The following KIAA1328 variants were observed in gnomAD, a reference collection of about 807,000 sequenced individuals.
KIAA1328 encodes the protein protein hinderin.
KIAA1328 carries 52 observed loss-of-function variants against 68.1 expected under a neutral mutation model. The ratio of observed to expected loss-of-function variants is 0.76; its 90% CI spans 0.61 to 0.96. The LOEUF (loss-of-function observed/expected upper bound fraction) is 0.96. KIAA1328 is among the 40% of genes least tolerant of loss of function. The pLI is 0.00. For missense variants in KIAA1328, 641 were observed against 677.6 expected, an observed-to-expected ratio of 0.95 and a Z score of 0.60; for synonymous variants, 232 against 239.4, an observed-to-expected ratio of 0.97 and a Z score of 0.28.
intron 4 of KIAA1328, among the ~76,000 whole-genome samples, chr18:36,873,199 A>G (rs1351595913): frequency 6.6e-6 from 1 of 152,180 alleles, no homozygotes; most frequent in African/African-American, 2.4e-5. Flanking sequence ...CCAGTTTACT[A>G]TAAGCACCAA....
intron 6 of KIAA1328, among the ~76,000 whole-genome samples, chr18:36,960,469 G>T (rs2051614059): frequency 6.6e-6 from 1 of 152,186 alleles, no homozygotes; most frequent in Non-Finnish European, 1.5e-5. Context: ...TCCCAGCATG[G>T]CGTTTGAGCT....
chr18:36,835,425 A>G, intron 3 of KIAA1328, 49 bp downstream of exon 3: 2 of 1,538,020 alleles, frequency 1.3e-6, no homozygotes, highest in Non-Finnish European at 8.8e-7. Context: ...AGTCTTTATG[A>G]GTGCTGACCA....
intron 7 of KIAA1328, among the ~76,000 whole-genome samples, chr18:37,118,008 C>CT (rs112710292): frequency 0.14 from 20,074 of 141,622 alleles, 1,709 homozygotes; most frequent in Admixed American, 0.19. Context: ...TGCTTTCTTT[C>CT]TTTTTTTTTT....
chr18:37,056,570 T>C (rs2055915515), intron 6 of KIAA1328, among the ~76,000 whole-genome samples: 1 of 152,328 alleles, frequency 6.6e-6, no homozygotes, highest in South Asian at 2.1e-4. Context: ...GTGGATTCCA[T>C]AGCACACCAT....
chr18:36,850,217 C>G (rs575083721), intron 4 of KIAA1328, among the ~76,000 whole-genome samples: 2 of 151,660 alleles, frequency 1.3e-5, no homozygotes, highest in East Asian at 3.9e-4. Flanking sequence ...AATTATCTAC[C>G]TTTTTTATTT....
chr18:36,952,313 T>A (rs1053883472), intron 5 of KIAA1328, among the ~76,000 whole-genome samples: 3 of 152,194 alleles, frequency 2.0e-5, no homozygotes, highest in African/African-American at 7.2e-5. Context: ...CCCACCTTTT[T>A]AAAATCTCCA....
intron 7 of KIAA1328, among the ~76,000 whole-genome samples, chr18:37,105,311 T>A (rs934509458): frequency 9.2e-5 from 14 of 152,042 alleles, no homozygotes; most frequent in African/African-American, 3.4e-4. Context: ...GAGACCAGCC[T>A]GAGCAACACA....
chr18:36,868,890 G>A (rs554706581), intron 4 of KIAA1328, among the ~76,000 whole-genome samples: 9 of 152,100 alleles, frequency 5.9e-5, no homozygotes, highest in South Asian at 2.1e-4. Context: ...TTACTTTCCC[G>A]TTGTAAAATG....
intron 7 of KIAA1328, among the ~76,000 whole-genome samples, chr18:37,132,048 A>G (rs2058534901): frequency 6.6e-6 from 1 of 152,034 alleles, no homozygotes; most frequent in Non-Finnish European, 1.5e-5. Context: ...ATTCTTATTT[A>G]CTTTTAGTGG....
chr18:36,932,098 A>G (rs113113759), intron 5 of KIAA1328, among the ~76,000 whole-genome samples: 4 of 152,276 alleles, frequency 2.6e-5, no homozygotes, highest in Non-Finnish European at 4.4e-5. Context: ...GAACAAAATC[A>G]GTAAGTTTTC....
chr18:37,180,430 G>A (rs566158297), intron 9 of KIAA1328, among the ~76,000 whole-genome samples: 4 of 152,234 alleles, frequency 2.6e-5, no homozygotes, highest in South Asian at 4.1e-4. Context: ...TGATTCTGAC[G>A]TGTAAGCACT....
At chr18:36,892,729 A>G (rs1380850682) in intron 5 of KIAA1328, among the ~76,000 whole-genome samples, 1 of 152,194 alleles carries the variant, frequency 6.6e-6, no homozygotes, top group Non-Finnish European at 1.5e-5. Flanking sequence ...CTGGAATGAC[A>G]TTTTATATCA....
intron 6 of KIAA1328, among the ~76,000 whole-genome samples, chr18:37,026,484 G>A (rs1394322453): frequency 6.6e-6 from 1 of 152,098 alleles, no homozygotes; most frequent in Non-Finnish European, 1.5e-5. Flanking sequence ...ATAAAATACT[G>A]GCAAACCGAA....
At chr18:37,195,508 G>T (rs1426168057) in intron 9 of KIAA1328, among the ~76,000 whole-genome samples, 3 of 152,062 alleles carry the variant, frequency 2.0e-5, no homozygotes, top group African/African-American at 7.2e-5. Flanking sequence ...GAAAGATGGA[G>T]ATCCCATGAA....
At chr18:36,918,149 T>C (rs2049779479) in intron 5 of KIAA1328, among the ~76,000 whole-genome samples, 1 of 152,148 alleles carries the variant, frequency 6.6e-6, no homozygotes, top group South Asian at 2.1e-4. Context: ...TTTTGCCTTA[T>C]ATTGGTAATA....
At chr18:36,866,469 T>A (rs530629758) in intron 4 of KIAA1328, among the ~76,000 whole-genome samples, 19 of 151,586 alleles carry the variant, frequency 1.3e-4, no homozygotes, top group East Asian at 3.9e-4. Context: ...AAAATAAATT[T>A]AAAAAAAAGG....
chr18:37,011,949 G>A (rs2053993667), intron 6 of KIAA1328, among the ~76,000 whole-genome samples: 1 of 150,728 alleles, frequency 6.6e-6, no homozygotes, highest in South Asian at 2.1e-4. Context: ...AATTGTACCT[G>A]AATTTAGAAA....
At chr18:37,115,186 C>T (rs1375583691) in intron 7 of KIAA1328, among the ~76,000 whole-genome samples, 1 of 152,148 alleles carries the variant, frequency 6.6e-6, no homozygotes, top group Non-Finnish European at 1.5e-5. Flanking sequence ...CATCCTGATA[C>T]TAAAGCCGGG....
At chr18:37,084,343 G>T in intron 7 of KIAA1328, 1 of 445,458 alleles carries the variant, frequency 2.2e-6, no homozygotes, top group Admixed American at 4.4e-5. Flanking sequence ...GTGACCATAT[G>T]AATACGTACA....
Sources: gnomAD v4.1 joint callset for allele counts (sites outside exome capture counted in the v4.1 genomes callset) on GRCh38, gnomAD v4.1.1 for gene constraint, MANE v1.5 for transcripts, NCBI Gene and HGNC (gene_info 2026-07-23, HGNC 2026-07-21) for gene names.